Variants in NBEAL1 observed in about 807,000 individuals in gnomAD.
The protein encoded by NBEAL1 is neurobeachin-like protein 1.
In NBEAL1, 273 loss-of-function variants were observed where a neutral mutation model predicts 351.3. The ratio of observed to expected loss-of-function variants is 0.78; its 90% confidence interval spans 0.70 to 0.86. The LOEUF (loss-of-function observed/expected upper bound fraction) is 0.86. Among genes scored for constraint, NBEAL1 ranks in the 40% least tolerant of loss-of-function variants. The pLI is 0.00. For missense variants in NBEAL1, 2,961 were observed against 3,201.3 expected, an observed-to-expected ratio of 0.92 and a Z score of 1.81; for synonymous variants, 1,050 against 1,086.4, an observed-to-expected ratio of 0.97 and a Z score of 0.66.
At chr2:203,119,059 A>G (rs2062764010) in intron 18 of NBEAL1, among the ~76,000 whole-genome samples, 1 of 152,020 alleles carries the variant, frequency 6.6e-6, no homozygotes, top group Non-Finnish European at 1.5e-5. Flanking sequence ...TAATATGACT[A>G]TTGATAAATA....
Position 203,197,408 on chromosome 2 carries a change from C to T in NBEAL1, c.7128+17C>T. 7.3e-7 allele frequency: 1 copy of T among 1,370,254 alleles called. No homozygotes were observed. Among genetic ancestry groups the T allele is most frequent in the Middle Eastern group, 1.8e-4 (1 of 5,636 alleles). 84.9% of individuals were successfully genotyped at this position (1,370,254 alleles called of 1,614,324 possible). On this transcript the variant is annotated intron_variant, in intron 48 of 55. Transcript: ENST00000683969. Reference sequence around the variant, plus strand: ...GAGTTACTGGTAAGTTGATTTTTACCTTTTTCACACTGCTATGCCTATATT... The same window carrying T: ...GAGTTACTGGTAAGTTGATTTTTACTTTTTTCACACTGCTATGCCTATATT...
At chr2:203,066,381 C>T (rs969833314) in intron 6 of NBEAL1, among the ~76,000 whole-genome samples, 2 of 149,252 alleles carry the variant, frequency 1.3e-5, no homozygotes, top group African/African-American at 5.0e-5. Flanking sequence ...TTTCAGAGAG[C>T]ACGGGGTTGG....
Position 203,108,183 on chromosome 2 carries a change from G to A in NBEAL1, c.1944G>A (p.Leu648=), listed in dbSNP as rs1416603831. 3.9e-6 allele frequency: 6 copies of A among 1,542,946 alleles called. No individual in the cohort carries two copies. The highest frequency in any genetic ancestry group is 5.3e-6 in the Non-Finnish European group (6 of 1,140,968). Residue 648 remains leucine, a synonymous_variant, in exon 14 of 56, where the codon TTG becomes TTA. Coordinates refer to ENST00000683969, the MANE Select transcript of NBEAL1 (RefSeq NM_001378026.1). ...ACAAAGGAGGGAAAAGGAAACAATT[G>A]TACAGGTATTGGTAAAAATTATGGA... The part of the protein sequence containing the change: ...IANKGGKRKQ[L]YSFFTGSGMG...
At chr2:203,057,570 T>A (rs995982551) in intron 6 of NBEAL1, 117 bp downstream of exon 6, 3 of 768,092 alleles carry the variant, frequency 3.9e-6, no homozygotes, top group East Asian at 5.6e-5. Context: ...GACCCACAGA[T>A]TTAACTCTGA....
intron 8 of NBEAL1, among the ~76,000 whole-genome samples, chr2:203,078,845 T>A (rs757029295): frequency 2.0e-5 from 3 of 152,130 alleles, no homozygotes; most frequent in Non-Finnish European, 4.4e-5. Flanking sequence ...GGAAACCAAT[T>A]ATACTGAAAT....
intron 36 of NBEAL1, among the ~76,000 whole-genome samples, chr2:203,165,151 G>A (rs115021246): frequency 2.5e-3 from 383 of 152,184 alleles, no homozygotes; most frequent in African/African-American, 8.8e-3. Context: ...GTGAGCCACC[G>A]CGCCCACCCA....
chr2:203,094,992 C>CGCAT (rs2062150068), intron 10 of NBEAL1, among the ~76,000 whole-genome samples: 1 of 151,890 alleles, frequency 6.6e-6, no homozygotes, highest in African/African-American at 2.4e-5. Flanking sequence ...GGCGTGGTGG[C>CGCAT]GCATGCCTGT....
In NBEAL1 at chr2:203,126,029, C is replaced by G. The variant is rs1214683608; in HGVS notation, c.2921C>G (p.Pro974Arg). The change falls in exon 21 of 56, where the codon CCT becomes CGT. Residue 974 changes from proline to arginine, a missense_variant. By Grantham distance (103) the Pro-to-Arg change is moderately radical. Coordinates refer to ENST00000683969, the MANE Select transcript of NBEAL1 (RefSeq NM_001378026.1). The part of the protein sequence containing the change: ...LIVKHFIQRH[P>R]INQGNLIHSH... ...GTGAAACATTTTATTCAGAGACATC[C>G]TATCAACCAGGGCAATCTTATTCAC... The G allele has an allele frequency of 1.3e-6, 2 of 1,543,728 alleles. No individual in the cohort carries two copies.
At chr2:203,158,222 G>A (rs2063848673) in intron 36 of NBEAL1, among the ~76,000 whole-genome samples, 4 of 152,040 alleles carry the variant, frequency 2.6e-5, no homozygotes, top group Admixed American at 2.6e-4. Flanking sequence ...TTGAAGCCTG[G>A]TTATTAAAAA....
chr2:203,083,774 A>G (rs940617488), intron 9 of NBEAL1, among the ~76,000 whole-genome samples: 1 of 152,228 alleles, frequency 6.6e-6, no homozygotes, highest in Admixed American at 6.5e-5. Context: ...TAAAAGCATC[A>G]ATGTGAAAAA....
At chr2:203,138,490 G>C (rs1485108219) in intron 30 of NBEAL1, 130 bp from the exon 31 acceptor site, 36 of 1,087,320 alleles carry the variant, frequency 3.3e-5, no homozygotes, top group Non-Finnish European at 4.5e-5. Flanking sequence ...GATTCTTTTG[G>C]CTTTTGTCAA....
intron 7 of NBEAL1, among the ~76,000 whole-genome samples, chr2:203,073,498 A>G (rs1394013925): frequency 6.6e-6 from 1 of 152,070 alleles, no homozygotes; most frequent in Admixed American, 6.5e-5. Flanking sequence ...TTTAAATTAT[A>G]TTGATCCTGG....
intron 2 of NBEAL1, 52 bp from the exon 3 acceptor site, chr2:203,041,711 ATT>A: frequency 1.2e-5 from 13 of 1,090,828 alleles, no homozygotes; most frequent in South Asian, 1.6e-5. Flanking sequence ...GTGTAGAAGC[ATT>A]TTTTTTTTCC....
At chr2:203,154,613 G>A (rs1166277893) in intron 35 of NBEAL1, among the ~76,000 whole-genome samples, 2 of 152,128 alleles carry the variant, frequency 1.3e-5, no homozygotes, top group Non-Finnish European at 2.9e-5. Context: ...TATTATTTTG[G>A]ATGGAAAATC....
chr2:203,060,222 T>A (rs929365925), intron 6 of NBEAL1, among the ~76,000 whole-genome samples: 5 of 152,060 alleles, frequency 3.3e-5, no homozygotes, highest in Admixed American at 1.3e-4. Flanking sequence ...GAGAGAAGAT[T>A]TATAAAAAGG....
intron 46 of NBEAL1, 150 bp from the exon 47 acceptor site, chr2:203,193,645 G>T: frequency 2.2e-6 from 1 of 449,566 alleles, no homozygotes; most frequent in Non-Finnish European, 3.9e-6. Context: ...TAGTATCTCT[G>T]CTAAGAGAAT....
At chr2:203,127,727 AAAGG>A in intron 23 of NBEAL1, 50 bp from the exon 24 acceptor site, 1 of 1,240,210 alleles carries the variant, frequency 8.1e-7, no homozygotes, top group Non-Finnish European at 1.1e-6. Flanking sequence ...ATCTCAGAAA[AAAGG>A]AAATGTAAAA....
At chr2:203,047,639 A>G (rs189804630) in intron 3 of NBEAL1, among the ~76,000 whole-genome samples, 278 of 152,018 alleles carry the variant, frequency 1.8e-3, no homozygotes, top group African/African-American at 6.4e-3. Context: ...GGAATTGTCT[A>G]CCCATTCAGG....
chr2:203,133,194 A>T, intron 27 of NBEAL1, 48 bp downstream of exon 27: 3 of 783,898 alleles, frequency 3.8e-6, no homozygotes, highest in Non-Finnish European at 5.9e-6. Context: ...CATCACCATC[A>T]TGCTATAAAT....
Sources: allele counts gnomAD v4.1 joint callset (sites outside exome capture counted in the v4.1 genomes callset), GRCh38; gene constraint gnomAD v4.1.1; transcripts MANE v1.5; gene names NCBI Gene and HGNC (gene_info 2026-07-23, HGNC 2026-07-21).